GLCCI1: variants seen among roughly 807,000 people sequenced by gnomAD.
The protein encoded by GLCCI1 is glucocorticoid-induced transcript 1 protein.
A neutral mutation model predicts 52.2 loss-of-function variants in GLCCI1; 24 were observed. That is an observed-to-expected ratio of 0.46 (90% CI 0.33 to 0.65). GLCCI1 has a LOEUF of 0.65. Ranked by LOEUF, GLCCI1 falls within the 30% of genes least tolerant of loss-of-function variation. The pLI is 0.02. For synonymous variants in GLCCI1, 310 were observed against 276.5 expected, an observed-to-expected ratio of 1.12 and a Z score of -1.20; for missense variants, 704 against 701.5, an observed-to-expected ratio of 1.00 and a Z score of -0.04.
At chr7:8,079,332 T>C (rs1489970503) in intron 6 of GLCCI1, among the ~76,000 whole-genome samples, 2 of 151,808 alleles carry the variant, frequency 1.3e-5, no homozygotes, top group Non-Finnish European at 2.9e-5. Flanking sequence ...TTTAATAAAC[T>C]TGACAATATA....
intron 3 of GLCCI1, among the ~76,000 whole-genome samples, chr7:8,032,194 T>C (rs1781768242): frequency 6.6e-6 from 1 of 152,044 alleles, no homozygotes; most frequent in Non-Finnish European, 1.5e-5. Context: ...AACCCAAGGA[T>C]ATTTTTTAAT....
intron 3 of GLCCI1, among the ~76,000 whole-genome samples, chr7:8,025,478 G>A (rs531160343): frequency 5.6e-4 from 85 of 152,208 alleles, no homozygotes; most frequent in Non-Finnish European, 1.0e-3. Context: ...ATTTGCGATG[G>A]CAGAAGAATC....
At chr7:8,006,923 C>G (rs1162496646) in intron 2 of GLCCI1, among the ~76,000 whole-genome samples, 1 of 152,196 alleles carries the variant, frequency 6.6e-6, no homozygotes, top group African/African-American at 2.4e-5. Flanking sequence ...CCTCAAAAAG[C>G]AAGAACCAGG....
chr7:8,081,085 G>T (rs141503942), intron 6 of GLCCI1, among the ~76,000 whole-genome samples: 17 of 152,148 alleles, frequency 1.1e-4, no homozygotes, highest in African/African-American at 3.9e-4. Flanking sequence ...CATGCACCTA[G>T]GCCTAGGAAG....
intron 3 of GLCCI1, among the ~76,000 whole-genome samples, chr7:8,037,376 A>G (rs965144269): frequency 2.0e-5 from 3 of 152,226 alleles, no homozygotes; most frequent in African/African-American, 7.2e-5. Context: ...GACTGGTCCT[A>G]CAAGAAATGC....
chr7:8,041,528 G>A (rs1781998517), intron 3 of GLCCI1, among the ~76,000 whole-genome samples: 1 of 152,176 alleles, frequency 6.6e-6, no homozygotes, highest in Non-Finnish European at 1.5e-5. Flanking sequence ...TTTCATAGCT[G>A]GAGAGAAGTT....
At position 7,969,451 on chromosome 7, in the gene GLCCI1, T is replaced by TCGCCGC; in HGVS notation, c.107_112dup (p.Ala36_Ala37dup). 1 of 1,179,300 alleles carries TCGCCGC rather than the reference T, an allele frequency of 8.5e-7. No individual in the cohort carries two copies. The highest frequency in any genetic ancestry group is 3.1e-5 in the South Asian group (1 of 32,786). The allele number at this position is 1,179,300 out of a possible 1,614,324, so 73.1% of individuals were successfully genotyped here. On this transcript the variant is annotated inframe_insertion, in exon 1 of 8. Transcript: ENST00000223145. This position sits in a 1 kb window ranked among gnomAD's most constrained non-coding sequence, Gnocchi z 4.9. Reference sequence around the variant, plus strand: ...AGCGCCGCGGGGTCCCCGCCCGCCGTCGCCGCCGCCGGGAGCGGGAACGGT... The same window carrying TCGCCGC: ...AGCGCCGCGGGGTCCCCGCCCGCCGTCGCCGCCGCCGCCGCCGGGAGCGGGAACGGT...
At chr7:7,996,496 T>C (rs894004890) in intron 1 of GLCCI1, among the ~76,000 whole-genome samples, 2 of 152,196 alleles carry the variant, frequency 1.3e-5, no homozygotes, top group African/African-American at 4.8e-5. Flanking sequence ...AGGCTTCTTG[T>C]AGCCATATTA....
chr7:8,021,916 C>G (rs1354427200), intron 2 of GLCCI1, among the ~76,000 whole-genome samples: 4 of 152,024 alleles, frequency 2.6e-5, no homozygotes, highest in African/African-American at 9.7e-5. Flanking sequence ...GTTTATTTAG[C>G]TTATATTTTA....
At chr7:8,034,183 T>G (rs1223427088) in intron 3 of GLCCI1, among the ~76,000 whole-genome samples, 1 of 152,180 alleles carries the variant, frequency 6.6e-6, no homozygotes, top group Non-Finnish European at 1.5e-5. Flanking sequence ...ATTGGTGCTA[T>G]AATAATTGAA....
chr7:7,980,692 G>T, intron 1 of GLCCI1: 1 of 753,858 alleles, frequency 1.3e-6, no homozygotes, highest in South Asian at 1.5e-5. Context: ...GGTGAATAAT[G>T]ACAGTGATCA....
At chr7:8,052,761 C>T (rs1042020578) in intron 3 of GLCCI1, among the ~76,000 whole-genome samples, 1 of 152,212 alleles carries the variant, frequency 6.6e-6, no homozygotes, top group Non-Finnish European at 1.5e-5. Context: ...CACCAGGTCT[C>T]TTGCTAGTGA....
At chr7:7,985,541 T>TA (rs1554258100) in intron 1 of GLCCI1, among the ~76,000 whole-genome samples, 4 of 151,376 alleles carry the variant, frequency 2.6e-5, no homozygotes, top group East Asian at 1.9e-4. Flanking sequence ...AACTTTAAGT[T>TA]AAAAAAAAAC....
At chr7:8,085,110 C>A in intron 7 of GLCCI1, 93 bp downstream of exon 7, 1 of 1,407,364 alleles carries the variant, frequency 7.1e-7, no homozygotes, top group Non-Finnish European at 9.8e-7. Flanking sequence ...CTACTCTATC[C>A]AGCTGATAAT....
chr7:7,977,407 G>A (rs952218624), intron 1 of GLCCI1, among the ~76,000 whole-genome samples: 3 of 152,188 alleles, frequency 2.0e-5, no homozygotes, highest in Non-Finnish European at 1.5e-5. Flanking sequence ...ATGTTTGACT[G>A]AACTGGTCCT....
chr7:8,075,642 T>TA (rs1157540705), intron 6 of GLCCI1, among the ~76,000 whole-genome samples: 2 of 152,246 alleles, frequency 1.3e-5, no homozygotes, highest in African/African-American at 4.8e-5. Context: ...GTCAGCTACT[T>TA]ATCATTGATC....
chr7:8,060,309 G>C (rs1015296255), intron 5 of GLCCI1, 61 bp downstream of exon 5: 3 of 1,321,696 alleles, frequency 2.3e-6, no homozygotes, highest in Non-Finnish European at 3.2e-6. Flanking sequence ...TGTCTGAAAA[G>C]TACTTTCTTG....
At chr7:8,065,615 A>T (rs1782615449) in intron 5 of GLCCI1, among the ~76,000 whole-genome samples, 1 of 152,038 alleles carries the variant, frequency 6.6e-6, no homozygotes, top group Non-Finnish European at 1.5e-5. Context: ...ACATGAAGGG[A>T]TGTTGGATTT....
At chr7:7,971,003 T>A (rs2240857) in intron 1 of GLCCI1, among the ~76,000 whole-genome samples, 2 of 152,082 alleles carry the variant, frequency 1.3e-5, no homozygotes, top group Admixed American at 1.3e-4. Flanking sequence ...TGCATTATGA[T>A]ACATTGCAGT....
Sources: allele counts gnomAD v4.1 joint callset (sites outside exome capture counted in the v4.1 genomes callset), GRCh38; gene constraint gnomAD v4.1.1; non-coding constraint Gnocchi (gnomAD v3.1); transcripts MANE v1.5; gene names NCBI Gene and HGNC (gene_info 2026-07-23, HGNC 2026-07-21).